Variants in GTF2E2 observed in about 807,000 individuals in gnomAD.
GTF2E2 encodes transcription initiation factor IIE subunit beta.
In GTF2E2, 21 loss-of-function variants were observed where a neutral mutation model predicts 40.5. The ratio of observed to expected loss-of-function variants is 0.52; its 90% CI spans 0.37 to 0.75. GTF2E2 has a LOEUF of 0.75. Among genes scored for constraint, GTF2E2 ranks in the 30% least tolerant of loss-of-function variants. GTF2E2 has a pLI of 0.00. For synonymous variants in GTF2E2, 117 were observed against 121.6 expected, an observed-to-expected ratio of 0.96 and a Z score of 0.25; for missense variants, 298 against 338.4, an observed-to-expected ratio of 0.88 and a Z score of 0.94.
At chr8:30,655,603 G>A (rs1325296002) in intron 1 of GTF2E2, among the ~76,000 whole-genome samples, 1 of 152,132 alleles carries the variant, frequency 6.6e-6, no homozygotes, top group African/African-American at 2.4e-5. Context: ...TAAATATCTT[G>A]TTTGTGAGGC....
In GTF2E2 at chr8:30,640,020, G is replaced by A. The variant is rs147572832; in HGVS notation, c.167-4897C>T. Among the ~76,000 whole-genome samples the A allele has an allele frequency of 7.0e-3, 1,066 of 152,224 alleles. 10 individuals are homozygous for A. Among genetic ancestry groups the A allele is most frequent in the African/African-American group, 0.023 (937 of 41,530 alleles). On this transcript the variant is annotated intron_variant, in intron 2 of 7. Transcript: ENST00000355904. The stretch of plus-strand genomic sequence containing the variant: ...AGTTAACTTACAAATCAAATTTCAG[G>A]TAAACTGTCAACAGAAACCCCTACC...
chr8:30,657,123 G>A (rs1586017644), intron 1 of GTF2E2: 1 of 152,154 alleles, frequency 6.6e-6, no homozygotes, highest in East Asian at 1.9e-4. Context: ...GCTTCGCAAT[G>A]TCTGTCTTTC....
chr8:30,579,161 C>G, intron 7 of GTF2E2, 124 bp from the exon 8 acceptor site: 1 of 686,206 alleles, frequency 1.5e-6, no homozygotes, highest in East Asian at 2.6e-5. Context: ...TTCTCCTGCT[C>G]TGCCACCCAG....
chr8:30,628,898 T>C (rs1017024151), intron 3 of GTF2E2, among the ~76,000 whole-genome samples: 2 of 147,472 alleles, frequency 1.4e-5, no homozygotes, highest in Non-Finnish European at 1.5e-5. Context: ...GCCACTGCAC[T>C]CCAGCCTGGG....
intron 6 of GTF2E2, among the ~76,000 whole-genome samples, chr8:30,600,892 C>CA (rs780330025): frequency 3.3e-5 from 5 of 152,182 alleles, no homozygotes; most frequent in African/African-American, 7.2e-5. Flanking sequence ...TGTGCGCACT[C>CA]AGAGTTCCTC....
intron 3 of GTF2E2, among the ~76,000 whole-genome samples, chr8:30,615,118 AAAATAT>A (rs1800877740): frequency 6.6e-6 from 1 of 152,018 alleles, no homozygotes; most frequent in Admixed American, 6.5e-5. Flanking sequence ...ATGTCTACTA[AAAATAT>A]AAAAATCAGC....
intron 6 of GTF2E2, among the ~76,000 whole-genome samples, chr8:30,583,882 T>A (rs1372674762): frequency 1.3e-5 from 2 of 152,046 alleles, no homozygotes; most frequent in Non-Finnish European, 2.9e-5. Context: ...CTCGGCTCAC[T>A]GCAAGCTCCA....
At chr8:30,617,136 C>T (rs1215705460) in intron 3 of GTF2E2, among the ~76,000 whole-genome samples, 2 of 152,076 alleles carry the variant, frequency 1.3e-5, no homozygotes, top group Admixed American at 6.5e-5. Context: ...AAAACCCAAG[C>T]TCCAAGTTCC....
chr8:30,636,491 CTTT>C (rs1201697233), intron 2 of GTF2E2, among the ~76,000 whole-genome samples: 1 of 152,122 alleles, frequency 6.6e-6, no homozygotes, highest in South Asian at 2.1e-4. Context: ...ATTGAGTATC[CTTT>C]TTTGAGACTA....
At chr8:30,642,349 T>C (rs1367647387) in intron 2 of GTF2E2, among the ~76,000 whole-genome samples, 1 of 149,906 alleles carries the variant, frequency 6.7e-6, no homozygotes, top group Non-Finnish European at 1.5e-5. Flanking sequence ...TACTACTCCA[T>C]AAGCAGGAAT....
chr8:30,618,421 G>A (rs1800987975), intron 3 of GTF2E2, among the ~76,000 whole-genome samples: 1 of 152,078 alleles, frequency 6.6e-6, no homozygotes, highest in Non-Finnish European at 1.5e-5. Context: ...TTCCAATCGT[G>A]ACATGCATGT....
intron 6 of GTF2E2, among the ~76,000 whole-genome samples, chr8:30,605,397 T>C (rs1029372524): frequency 2.0e-5 from 3 of 152,120 alleles, no homozygotes; most frequent in African/African-American, 7.2e-5. Flanking sequence ...AAGCATATTA[T>C]TAGCAATTGG....
intron 2 of GTF2E2, among the ~76,000 whole-genome samples, chr8:30,652,437 A>G (rs1802312803): frequency 6.6e-6 from 1 of 152,140 alleles, no homozygotes; most frequent in Non-Finnish European, 1.5e-5. Context: ...TCACCAAGGA[A>G]TACACATGGT....
intron 6 of GTF2E2, among the ~76,000 whole-genome samples, chr8:30,606,793 T>C (rs1829326756): frequency 6.6e-6 from 1 of 152,188 alleles, no homozygotes; most frequent in South Asian, 2.1e-4. Flanking sequence ...ATAAACCCGT[T>C]TGGTTCAGTT....
At chr8:30,639,627 T>G (rs528851249) in intron 2 of GTF2E2, among the ~76,000 whole-genome samples, 1 of 152,304 alleles carries the variant, frequency 6.6e-6, no homozygotes, top group East Asian at 1.9e-4. Context: ...ACCAAATTTC[T>G]AATTTTATAC....
chr8:30,615,835 T>C, intron 3 of GTF2E2, among the ~76,000 whole-genome samples: 1 of 152,108 alleles, frequency 6.6e-6, no homozygotes, highest in East Asian at 1.9e-4. Context: ...TTTACCCAAA[T>C]GAGCCAAAAA....
At chr8:30,604,422 G>C (rs116440698) in intron 6 of GTF2E2, among the ~76,000 whole-genome samples, 2 of 152,072 alleles carry the variant, frequency 1.3e-5, no homozygotes, top group East Asian at 3.8e-4. Flanking sequence ...TGATTTCTAT[G>C]ACTACTTCAT....
At chr8:30,603,267 G>A (rs1829231958) in intron 6 of GTF2E2, among the ~76,000 whole-genome samples, 1 of 152,136 alleles carries the variant, frequency 6.6e-6, no homozygotes, top group Admixed American at 6.6e-5. Context: ...GAGGATAAGA[G>A]AATGAAAATA....
At chr8:30,584,137 T>C (rs1403186968) in intron 6 of GTF2E2, among the ~76,000 whole-genome samples, 1 of 151,184 alleles carries the variant, frequency 6.6e-6, no homozygotes, top group African/African-American at 2.4e-5. Flanking sequence ...GGTTCAAACA[T>C]CCCAGCTCTA....
Sources: allele counts gnomAD v4.1 joint callset (sites outside exome capture counted in the v4.1 genomes callset), GRCh38; gene constraint gnomAD v4.1.1; transcripts MANE v1.5; gene names NCBI Gene and HGNC (gene_info 2026-07-23, HGNC 2026-07-21).